ATF7: variants seen among roughly 807,000 people sequenced by gnomAD.
ATF7 encodes activating transcription factor 7.
A neutral mutation model predicts 50.4 loss-of-function variants in ATF7; 10 were observed. That is an observed-to-expected ratio of 0.20 (90% CI 0.12 to 0.34). The LOEUF (loss-of-function observed/expected upper bound fraction) is 0.34, where lower values mean the gene tolerates loss of function less well. ATF7 is among the 10% of genes least tolerant of loss of function. ATF7 has a pLI of 1.00. For missense variants in ATF7, 465 were observed against 613.9 expected, an observed-to-expected ratio of 0.76 and a Z score of 2.56; for synonymous variants, 201 against 226.4, an observed-to-expected ratio of 0.89 and a Z score of 1.01.
chr12:53,609,817 T>C (rs1274987389), intron 1 of ATF7, among the ~76,000 whole-genome samples: 1 of 131,798 alleles, frequency 7.6e-6, no homozygotes, highest in Non-Finnish European at 1.6e-5. Context: ...TTTTAAATGT[T>C]ATGCTTTTTT....
intron 9 of ATF7, among the ~76,000 whole-genome samples, chr12:53,531,422 C>CAAAAAAAAAAAAAAAAAAAAAA (rs541415026): frequency 1.6e-5 from 1 of 61,802 alleles, no homozygotes; most frequent in African/African-American, 5.9e-5. Flanking sequence ...AACTCCATCT[C>CAAAAAAAAAAAAAAAAAAAAAA]AAAAAAAAAA....
At chr12:53,600,179 T>C (rs1273824512) in intron 2 of ATF7, among the ~76,000 whole-genome samples, 1 of 152,212 alleles carries the variant, frequency 6.6e-6, no homozygotes, top group African/African-American at 2.4e-5. Flanking sequence ...AATGATTTTC[T>C]GGATCAACAG....
chr12:53,586,044 A>G (rs1361041625), intron 2 of ATF7, among the ~76,000 whole-genome samples: 2 of 152,168 alleles, frequency 1.3e-5, no homozygotes. Context: ...GAAAGTACAA[A>G]CCTCCATAAG....
chr12:53,517,076 C>A lies in ATF7; in HGVS notation c.*61G>T, dbSNP rs1474795957. 1 of 1,557,150 alleles carries A rather than the reference C, an allele frequency of 6.4e-7. No individual in the cohort carries two copies. Among genetic ancestry groups the A allele is most frequent in the Non-Finnish European group, 8.8e-7 (1 of 1,141,424 alleles). On this transcript the variant is annotated 3_prime_UTR_variant, in exon 12 of 12. Coordinates refer to ENST00000420353, the MANE Select transcript of ATF7 (RefSeq NM_006856.3). ...AGGCAGATGGGAGGGGATAAGATGA[C>A]ATCTCTCTTGGCTCTTGGGCGGGCG... is the stretch of plus-strand genomic sequence containing the variant.
intron 1 of ATF7, among the ~76,000 whole-genome samples, chr12:53,605,444 G>A (rs1284510547): frequency 1.3e-5 from 2 of 148,854 alleles, no homozygotes; most frequent in African/African-American, 4.9e-5. Flanking sequence ...ATTAATAACC[G>A]TAATTTGCTT....
chr12:53,552,811 C>T (rs3741652), intron 2 of ATF7, among the ~76,000 whole-genome samples, 174 bp from the exon 3 acceptor site: 1 of 151,746 alleles, frequency 6.6e-6, no homozygotes, highest in Non-Finnish European at 1.5e-5. Flanking sequence ...GGTGCTAGAA[C>T]GCAGGGAGAA....
chr12:53,582,494 G>GA (rs140131269), intron 2 of ATF7, among the ~76,000 whole-genome samples: 1 of 150,982 alleles, frequency 6.6e-6, no homozygotes, highest in African/African-American at 2.4e-5. Flanking sequence ...GCCCCAAAAA[G>GA]AAAAAAAACC....
At chr12:53,558,249 C>CT (rs1326334895) in intron 2 of ATF7, among the ~76,000 whole-genome samples, 1 of 152,198 alleles carries the variant, frequency 6.6e-6, no homozygotes. Flanking sequence ...TGGGAGGATG[C>CT]TACTGGCCTC....
At chr12:53,625,598 T>C (rs1399590447) in intron 1 of ATF7, among the ~76,000 whole-genome samples, 1 of 152,220 alleles carries the variant, frequency 6.6e-6, no homozygotes, top group African/African-American at 2.4e-5. Context: ...CTCTCTGATA[T>C]CATGTCCCTG....
intron 2 of ATF7, among the ~76,000 whole-genome samples, chr12:53,579,974 C>T (rs750239756): frequency 3.3e-5 from 5 of 151,978 alleles, no homozygotes; most frequent in African/African-American, 4.8e-5. Flanking sequence ...CTCACTCTGT[C>T]GGCCAGGCTG....
chr12:53,564,941 G>T (rs940935269), intron 2 of ATF7, among the ~76,000 whole-genome samples: 1 of 151,854 alleles, frequency 6.6e-6, no homozygotes, highest in African/African-American at 2.4e-5. Context: ...TTTTATGTGT[G>T]GCCCAAGACA....
At chr12:53,527,101 G>A (rs1428203122) in intron 9 of ATF7, among the ~76,000 whole-genome samples, 3 of 152,064 alleles carry the variant, frequency 2.0e-5, no homozygotes, top group East Asian at 1.9e-4. Context: ...GGAGGTTGCA[G>A]TGAGCCGAGA....
At chr12:53,575,549 C>T (rs1942018758) in intron 2 of ATF7, 1 of 148,608 alleles carries the variant, frequency 6.7e-6, no homozygotes, top group South Asian at 2.1e-4. Context: ...GCACTCCAGC[C>T]TGGGCAACAG....
chr12:53,532,085 T>C (rs1938932324), intron 8 of ATF7, among the ~76,000 whole-genome samples, 189 bp from the exon 9 acceptor site: 1 of 152,154 alleles, frequency 6.6e-6, no homozygotes, highest in African/African-American at 2.4e-5. Flanking sequence ...AAATGCCTAC[T>C]CTGTTCCCTG....
intron 2 of ATF7, among the ~76,000 whole-genome samples, chr12:53,563,108 T>C (rs139717374): frequency 1.3e-5 from 2 of 152,306 alleles, no homozygotes; most frequent in Non-Finnish European, 2.9e-5. Flanking sequence ...CCCATATTCC[T>C]TGAAATGTGT....
At chr12:53,591,542 C>G (rs538713095) in intron 2 of ATF7, among the ~76,000 whole-genome samples, 2 of 152,312 alleles carry the variant, frequency 1.3e-5, no homozygotes, top group East Asian at 3.9e-4. Context: ...GGCATACTTA[C>G]GAGTATCACC....
intron 2 of ATF7, among the ~76,000 whole-genome samples, chr12:53,599,586 T>C (rs1005231056): frequency 2.0e-5 from 3 of 152,070 alleles, no homozygotes; most frequent in Non-Finnish European, 4.4e-5. Flanking sequence ...ATGATGCCTT[T>C]TTTGGTCTTT....
chr12:53,624,167 G>GAA (rs1165203618), intron 1 of ATF7, among the ~76,000 whole-genome samples: 1 of 152,182 alleles, frequency 6.6e-6, no homozygotes, highest in East Asian at 1.9e-4. Context: ...AGGCAAACTG[G>GAA]AAATGTTCTG....
chr12:53,593,099 C>A (rs1389788455), intron 2 of ATF7, among the ~76,000 whole-genome samples: 2 of 152,126 alleles, frequency 1.3e-5, no homozygotes, highest in Non-Finnish European at 2.9e-5. Context: ...TAAAATATTA[C>A]AAAGTCCACT....
Sources: gnomAD v4.1 joint callset for allele counts (sites outside exome capture counted in the v4.1 genomes callset) on GRCh38, gnomAD v4.1.1 for gene constraint, MANE v1.5 for transcripts, NCBI Gene and HGNC (gene_info 2026-07-23, HGNC 2026-07-21) for gene names.